The following HECTD4 variants were observed in gnomAD, a reference collection of about 807,000 sequenced individuals.
The protein encoded by HECTD4 is probable E3 ubiquitin-protein ligase HECTD4.
Under a neutral mutation model 471.5 loss-of-function variants are expected in HECTD4, and 114 were observed. That is an observed-to-expected ratio of 0.24 (90% CI 0.21 to 0.28). The LOEUF is 0.28. Ranked by LOEUF, HECTD4 falls within the 10% of genes least tolerant of loss-of-function variation. The pLI is 1.00. For synonymous variants in HECTD4, 2,012 were observed against 2,256.0 expected (o/e 0.89, Z 3.07); for missense variants, 3,866 against 5,651.5 (o/e 0.68, Z 10.13).
intron 1 of HECTD4, among the ~76,000 whole-genome samples, chr12:112,337,003 C>T (rs538972252): frequency 6.6e-6 from 1 of 152,154 alleles, no homozygotes; most frequent in Non-Finnish European, 1.5e-5. Flanking sequence ...AAATGACACA[C>T]AAGAATTTTT....
intron 13 of HECTD4, among the ~76,000 whole-genome samples, chr12:112,269,116 GC>G (rs748627481): frequency 2.6e-5 from 4 of 151,632 alleles, no homozygotes; most frequent in Non-Finnish European, 4.4e-5. Context: ...CTCGTGATCC[GC>G]CCGTCTCGGC....
Position 112,313,021 on chromosome 12 carries a change from A to G in HECTD4, c.912T>C (p.Asn304=), listed in dbSNP as rs776543825. 3 of 1,535,170 alleles carry G rather than the reference A, an allele frequency of 2.0e-6. No individual in the cohort carries two copies. The South Asian group carries it at 3.6e-5, about 18-fold the overall frequency. Reference sequence around the variant, plus strand: ...GGACAAAAACTTTTACATTACCTTTATTTTCAGAACTGGAGCCAGTGTTGC... The same window carrying G: ...GGACAAAAACTTTTACATTACCTTTGTTTTCAGAACTGGAGCCAGTGTTGC... ...PDSNTGSSSE[N]KDADLGRCLT... Residue 304 remains asparagine, a synonymous_variant, in exon 4 of 76, where the codon AAT becomes AAC. Coordinates refer to ENST00000682272, the MANE Select transcript of HECTD4 (RefSeq NM_001388303.1).
rs201341174 is a variant in HECTD4 at position 112,217,169 on chromosome 12, C to T, written c.7101G>A (p.Ser2367=). The T allele has an allele frequency of 1.5e-5, 23 of 1,530,004 alleles. No homozygotes were observed. The highest frequency in any genetic ancestry group is 3.9e-5 in the South Asian group (3 of 76,466). 94.8% of individuals were successfully genotyped at this position (1,530,004 alleles called of 1,614,324 possible). A position where few individuals can be genotyped will look rare whatever the true frequency, so the allele number is the denominator to read the frequency against. ...AGGCTCGAACAGGCGGAAACACTCG[C>T]GAGGGGCTCCAAGTAATCTCTTTGG... ...RQPKEITWSP[S]RVFPPVRACM... The change falls in exon 46 of 76, where the codon TCG becomes TCA. Residue 2367 remains serine, a synonymous_variant. Coordinates refer to ENST00000682272, the MANE Select transcript of HECTD4 (RefSeq NM_001388303.1).
chr12:112,242,910 C>T (rs2033675411), intron 32 of HECTD4, among the ~76,000 whole-genome samples: 1 of 151,352 alleles, frequency 6.6e-6, no homozygotes, highest in South Asian at 2.1e-4. Context: ...GACTCTGTGT[C>T]AAATAAAAAA....
chr12:112,328,099 T>A (rs1198509765), intron 1 of HECTD4, among the ~76,000 whole-genome samples: 2 of 150,190 alleles, frequency 1.3e-5, no homozygotes, highest in Middle Eastern at 3.2e-3. Context: ...ACTTGCAACC[T>A]CAATGTAAAA....
At chr12:112,248,034 A>T in intron 27 of HECTD4, 33 bp downstream of exon 27, 1 of 1,491,570 alleles carries the variant, frequency 6.7e-7, no homozygotes, top group Non-Finnish European at 9.3e-7. Context: ...CTAAATGGCA[A>T]TACCCCAGTG....
intron 32 of HECTD4, among the ~76,000 whole-genome samples, 196 bp from the exon 33 acceptor site, chr12:112,240,223 C>A (rs547525994): frequency 1.3e-5 from 2 of 152,136 alleles, no homozygotes; most frequent in African/African-American, 4.8e-5. Flanking sequence ...TCCAAAACAG[C>A]GGTCCACACT....
rs558916235 is a variant in HECTD4 at position 112,179,005 on chromosome 12, G to T, written c.11289C>A (p.Pro3763=). ...KYSKAGKEQH[P]VKVVSTKRPI... The stretch of plus-strand genomic sequence containing the variant: ...GCCGCTTGGTGCTCACCACCTTCAC[G>T]GGGTGCTGCTCCTTCCCGGCCTTGC... Residue 3763 remains proline (P), a synonymous_variant, in exon 64 of 76, where the codon CCC becomes CCA. Coordinates refer to ENST00000682272, the MANE Select transcript of HECTD4 (RefSeq NM_001388303.1). The surrounding 1 kb of genome is among the most constrained non-coding windows in gnomAD (Gnocchi z 4.3). 1.2e-6 allele frequency: 2 copies of T among 1,613,446 alleles called. No individual in the cohort carries two copies. The highest frequency in any genetic ancestry group is 2.7e-5 in the African/African-American group (2 of 74,948).
At position 112,165,596 on chromosome 12, in the gene HECTD4, C is replaced by T. The variant is rs895917585; in HGVS notation, c.12535-1321G>A. 6.6e-5 allele frequency among the ~76,000 whole-genome samples: 10 copies of T among 152,236 alleles called. 2 individuals are homozygous for T. In the South Asian group the frequency reaches 1.9e-3, roughly 28 times the overall value. On this transcript the variant is annotated intron_variant, in intron 72 of 75. Coordinates refer to ENST00000682272, the MANE Select transcript of HECTD4 (RefSeq NM_001388303.1). ...TCAATCTCCTGACCTCGTGATCTGC[C>T]CACCTTGGCCTCCCGAAGTGCTGGG...
chr12:112,192,055 T>C (rs972246320), intron 59 of HECTD4, among the ~76,000 whole-genome samples: 5 of 152,172 alleles, frequency 3.3e-5, no homozygotes, highest in Non-Finnish European at 7.4e-5. Flanking sequence ...TCAGGGCATG[T>C]GGAGGCAGAG....
At position 112,163,688 on chromosome 12, in the gene HECTD4, G is replaced by A. The variant is rs1415169230; in HGVS notation, c.12751C>T (p.Arg4251Trp). The A allele has an allele frequency of 1.4e-5, 21 of 1,517,750 alleles. No individual in the cohort carries two copies. The highest frequency in any genetic ancestry group is 2.5e-5 in the South Asian group (2 of 79,272). The allele number at this position is 1,517,750 out of a possible 1,614,324, so 94.0% of individuals were successfully genotyped here. ...YAAAIRSLRL[R>W]ELQNVECVTA... ...ACGCACTCCACATTCTGCAGCTCCC[G>A]CAGCCGCAGGCTCCGGATGGCTGCC... Residue 4251 changes from arginine (R) to tryptophan (W), a missense_variant, in exon 74 of 76, where the codon CGG becomes TGG. Arg to Trp is a moderately radical substitution (Grantham distance 101). This residue lies in a region of HECTD4 where 715 missense variants were observed against 1,087.6 expected (regional missense o/e 0.66). Transcript: ENST00000682272. The surrounding 1 kb of genome is among the most constrained non-coding windows in gnomAD (Gnocchi z 8.2).
At chr12:112,231,791 T>G (rs898933981) in intron 38 of HECTD4, 76 bp from the exon 39 acceptor site, 2 of 1,238,046 alleles carry the variant, frequency 1.6e-6, no homozygotes, top group East Asian at 5.1e-5. Flanking sequence ...CTATTTCCCC[T>G]CAATTACCAA....
In HECTD4 at chr12:112,194,345, C is replaced by T. The variant is rs2106972; in HGVS notation, c.8749+540G>A. On this transcript the variant is annotated intron_variant, in intron 56 of 75. Coordinates refer to ENST00000682272, the MANE Select transcript of HECTD4 (RefSeq NM_001388303.1). This position sits in a 1 kb window ranked among gnomAD's most constrained non-coding sequence, Gnocchi z 4.6. ...CATCTTAGTTGCTGGGAGATCGAGG[C>T]GGCAGGCTGGAGGCTGAGATGCCAG... 3.3e-5 allele frequency among the ~76,000 whole-genome samples: 5 copies of T among 152,004 alleles called. No homozygotes were observed. The highest frequency in any genetic ancestry group is 7.4e-5 in the Non-Finnish European group (5 of 68,008).
chr12:112,307,870 C>G (rs2035295506), intron 6 of HECTD4, among the ~76,000 whole-genome samples: 1 of 152,172 alleles, frequency 6.6e-6, no homozygotes, highest in Admixed American at 6.5e-5. Context: ...GGCAGAGAAC[C>G]AAAGGTTCAA....
chr12:112,206,186 G>C (rs2032574573), intron 52 of HECTD4, among the ~76,000 whole-genome samples: 1 of 152,176 alleles, frequency 6.6e-6, no homozygotes, highest in South Asian at 2.1e-4. Context: ...ACAGTGCCCA[G>C]GACGTTGTGG....
At chr12:112,207,564 T>A (rs559430955) in intron 52 of HECTD4, among the ~76,000 whole-genome samples, 1 of 152,294 alleles carries the variant, frequency 6.6e-6, no homozygotes, top group African/African-American at 2.4e-5. Context: ...TTTTCTCAAG[T>A]CCACACAGCT....
intron 69 of HECTD4, chr12:112,170,030 C>A: frequency 1.8e-6 from 1 of 540,958 alleles, no homozygotes; most frequent in East Asian, 3.2e-5. Flanking sequence ...GACCTTCTCT[C>A]CCTTTCCTTT....
At chr12:112,171,921 G>A (rs1004557728) in intron 67 of HECTD4, among the ~76,000 whole-genome samples, 5 of 151,992 alleles carry the variant, frequency 3.3e-5, no homozygotes, top group African/African-American at 1.2e-4. Context: ...TTTTTTTTTG[G>A]AGACGGAGTT....
intron 7 of HECTD4, among the ~76,000 whole-genome samples, chr12:112,283,536 A>C (rs2034688947): frequency 6.6e-6 from 1 of 152,216 alleles, no homozygotes; most frequent in African/African-American, 2.4e-5. Context: ...GGTCTATGAA[A>C]AGTTGTTGAT....
Sources: gnomAD v4.1 joint callset for allele counts (sites outside exome capture counted in the v4.1 genomes callset) on GRCh38, gnomAD v4.1.1 for gene constraint, gnomAD v4.1.1 regional missense constraint, Gnocchi (gnomAD v3.1) non-coding constraint, MANE v1.5 for transcripts, NCBI Gene and HGNC (gene_info 2026-07-23, HGNC 2026-07-21) for gene names.